The following NWD2 variants were observed in gnomAD, a reference collection of about 807,000 sequenced individuals.
NWD2 encodes NACHT and WD repeat domain-containing protein 2.
In NWD2, 37 loss-of-function variants were observed where a neutral mutation model predicts 132.7. The ratio of observed to expected loss-of-function variants is 0.28; its 90% CI spans 0.21 to 0.37. The LOEUF is 0.37. Among genes scored for constraint, NWD2 ranks in the 10% least tolerant of loss-of-function variants. The pLI, the probability that NWD2 is intolerant of heterozygous loss-of-function variation, is 1.00. For missense variants in NWD2, 1,592 were observed against 2,122.4 expected (o/e 0.75, Z 4.91); for synonymous variants, 705 against 803.0 (o/e 0.88, Z 2.06).
intron 3 of NWD2, among the ~76,000 whole-genome samples, chr4:37,380,364 C>T (rs1180824914): frequency 2.6e-5 from 4 of 152,190 alleles, no homozygotes; most frequent in Admixed American, 6.5e-5. Flanking sequence ...TTTAAGAGTA[C>T]GGACTCTGAA....
At chr4:37,418,642 ATATATAT>A (rs1560250576) in intron 3 of NWD2, among the ~76,000 whole-genome samples, 1 of 146,722 alleles carries the variant, frequency 6.8e-6, no homozygotes, top group Non-Finnish European at 1.5e-5. Context: ...AAAAAAAAAA[ATATATAT>A]ATATATTTAT....
chr4:37,364,819 G>A (rs929954636), intron 3 of NWD2, among the ~76,000 whole-genome samples: 1 of 152,010 alleles, frequency 6.6e-6, no homozygotes, highest in African/African-American at 2.4e-5. Context: ...AGCCCAGTAT[G>A]CACAAAGTAA....
chr4:37,270,381 C>G (rs559339434), intron 1 of NWD2, among the ~76,000 whole-genome samples: 6 of 151,756 alleles, frequency 4.0e-5, no homozygotes, highest in African/African-American at 1.5e-4. Flanking sequence ...AGGCTATTCT[C>G]TATTCGAAAA....
chr4:37,348,782 C>T (rs1198595780), intron 2 of NWD2, among the ~76,000 whole-genome samples: 1 of 150,122 alleles, frequency 6.7e-6, no homozygotes, highest in Non-Finnish European at 1.5e-5. Context: ...TTGCTGCACC[C>T]ATCGACCCGT....
intron 2 of NWD2, among the ~76,000 whole-genome samples, chr4:37,341,518 A>C (rs946950456): frequency 4.6e-5 from 7 of 152,220 alleles, no homozygotes; most frequent in Non-Finnish European, 1.0e-4. Flanking sequence ...CGAACAATGA[A>C]GGCAAACATG....
At position 37,443,606 on chromosome 4, in the gene NWD2, C is replaced by T. The variant is rs893111904; in HGVS notation, c.1618C>T (p.Arg540Trp). ...WLPAHLPRFV[R>W]IVLSTLPNKH... is the part of the protein sequence containing the mutation. ...CCCAGCTCACCTGCCCCGCTTTGTCCGGATAGTCCTTTCCACGCTGCCCAA... is the reference window on the plus strand; with the variant it reads ...CCCAGCTCACCTGCCCCGCTTTGTCTGGATAGTCCTTTCCACGCTGCCCAA... Residue 540 changes from arginine (R) to tryptophan (W), a missense_variant, in exon 7 of 7, where the codon CGG becomes TGG. This residue lies in a region of NWD2 where 1,071 missense variants were observed against 1,398.0 expected (regional missense o/e 0.77). Coordinates refer to ENST00000309447, the MANE Select transcript of NWD2 (RefSeq NM_001144990.2). The surrounding 1 kb of genome is among the most constrained non-coding windows in gnomAD (Gnocchi z 4.1). The T allele has an allele frequency of 1.5e-5, 24 of 1,551,628 alleles. No individual in the cohort carries two copies. Among genetic ancestry groups the T allele is most frequent in the Non-Finnish European group, 1.9e-5 (22 of 1,146,996 alleles).
chr4:37,310,740 G>A (rs998140749), intron 1 of NWD2, among the ~76,000 whole-genome samples: 6 of 148,798 alleles, frequency 4.0e-5, no homozygotes, highest in African/African-American at 5.0e-5. Context: ...CCATTAACTC[G>A]TCATTTAGCA....
intron 1 of NWD2, among the ~76,000 whole-genome samples, chr4:37,291,822 C>G (rs1333190785): frequency 1.3e-5 from 2 of 152,198 alleles, no homozygotes; most frequent in East Asian, 3.9e-4. Context: ...ATATGATAAT[C>G]AAAATATTTA....
At chr4:37,330,265 A>G (rs1332200997) in intron 2 of NWD2, among the ~76,000 whole-genome samples, 1 of 152,150 alleles carries the variant, frequency 6.6e-6, no homozygotes, top group Non-Finnish European at 1.5e-5. Context: ...TTACTCAGAG[A>G]TGGAAACAGT....
At chr4:37,273,876 A>G (rs1362046626) in intron 1 of NWD2, among the ~76,000 whole-genome samples, 1 of 152,184 alleles carries the variant, frequency 6.6e-6, no homozygotes, top group East Asian at 1.9e-4. Context: ...TGTTCTTTGA[A>G]ACCAACGAGA....
At position 37,444,011 on chromosome 4, in the gene NWD2, A is replaced by C; in HGVS notation, c.2023A>C (p.Met675Leu). The C allele has an allele frequency of 1.9e-6, 3 of 1,552,202 alleles. No homozygotes were observed. The highest frequency in any genetic ancestry group is 2.6e-6 in the Non-Finnish European group (3 of 1,147,108). ...CATGGCCAAAATGGGTCTGAGTGAA[A>C]TGGAACTGGAGGATGTGTTAGCCCT... The part of the protein sequence containing the change: ...ITMAKMGLSE[M>L]ELEDVLALDN... Residue 675 changes from methionine to leucine, a missense_variant, in exon 7 of 7, where the codon ATG becomes CTG. Around this residue, in one of 7 missense-constraint regions of NWD2, gnomAD observed 1,071 missense variants for 1,398.0 expected, o/e 0.77. Coordinates refer to ENST00000309447, the MANE Select transcript of NWD2 (RefSeq NM_001144990.2). The surrounding 1 kb of genome is among the most constrained non-coding windows in gnomAD (Gnocchi z 4.8).
chr4:37,386,278 A>G (rs754035403), intron 3 of NWD2, among the ~76,000 whole-genome samples: 3 of 152,040 alleles, frequency 2.0e-5, no homozygotes, highest in Non-Finnish European at 4.4e-5. Flanking sequence ...ACACACACAC[A>G]CACACACATA....
chr4:37,314,291 G>T (rs929627371), intron 1 of NWD2, among the ~76,000 whole-genome samples: 1 of 152,072 alleles, frequency 6.6e-6, no homozygotes. Context: ...CTGGTTTTGG[G>T]TGTAGGATAA....
chr4:37,420,478 G>A (rs1188565431), intron 3 of NWD2, among the ~76,000 whole-genome samples: 2 of 152,184 alleles, frequency 1.3e-5, no homozygotes, highest in South Asian at 2.1e-4. Context: ...GAGGTCAAGA[G>A]ATCAAGACCA....
At chr4:37,329,202 G>A (rs1163296904) in intron 2 of NWD2, among the ~76,000 whole-genome samples, 1 of 152,154 alleles carries the variant, frequency 6.6e-6, no homozygotes, top group East Asian at 1.9e-4. Context: ...CATTCAAGAA[G>A]TATTTGTTGA....
At position 37,298,063 on chromosome 4, in the gene NWD2, GT is replaced by G. The variant is rs199833414; in HGVS notation, c.152-27871del. Among the ~76,000 whole-genome samples, 521 of 152,248 alleles carry G rather than the reference GT, an allele frequency of 3.4e-3. 6 individuals are homozygous for G. Among genetic ancestry groups the G allele is most frequent in the African/African-American group, 0.011 (445 of 41,542 alleles). ...GATGCTCAGAAAGGAGGTACTTATT[GT>G]TGGGTTTAGACTTATGTGTGATTAT... On this transcript the variant is annotated intron_variant, in intron 1 of 6. Transcript: ENST00000309447.
chr4:37,388,505 G>A (rs1720614564), intron 3 of NWD2, among the ~76,000 whole-genome samples: 1 of 151,844 alleles, frequency 6.6e-6, no homozygotes, highest in Admixed American at 6.6e-5. Flanking sequence ...TTTTTAAGTT[G>A]CTCTGCTGGT....
intron 1 of NWD2, among the ~76,000 whole-genome samples, chr4:37,270,014 A>G (rs1717834970): frequency 6.6e-6 from 1 of 151,782 alleles, no homozygotes; most frequent in South Asian, 2.1e-4. Context: ...TTGGTCTTCT[A>G]GTGAGTATGA....
At chr4:37,302,270 G>A (rs560694832) in intron 1 of NWD2, among the ~76,000 whole-genome samples, 28 of 151,970 alleles carry the variant, frequency 1.8e-4, no homozygotes, top group African/African-American at 6.8e-4. Flanking sequence ...GCTCACTCAT[G>A]TTGCCACGAA....
Sources: allele counts gnomAD v4.1 joint callset (sites outside exome capture counted in the v4.1 genomes callset), GRCh38; gene constraint gnomAD v4.1.1; regional missense constraint gnomAD v4.1.1; non-coding constraint Gnocchi (gnomAD v3.1); transcripts MANE v1.5; gene names NCBI Gene and HGNC (gene_info 2026-07-23, HGNC 2026-07-21).